Variants in SOX5 observed in about 807,000 individuals in gnomAD.
The protein encoded by SOX5 is transcription factor SOX-5.
Under a neutral mutation model 92.0 loss-of-function variants are expected in SOX5, and 9 were observed. The ratio of observed to expected loss-of-function variants is 0.10; its 90% confidence interval spans 0.06 to 0.17. SOX5 has a LOEUF of 0.17. SOX5 is among the 10% of genes least tolerant of loss of function. The probability of loss-of-function intolerance (pLI) is 1.00; values close to 1 mark genes in which losing one functional copy is unlikely to be tolerated. For missense variants in SOX5, 642 were observed against 944.5 expected (o/e 0.68, Z 4.20); for synonymous variants, 344 against 336.3 (o/e 1.02, Z -0.25).
intron 2 of SOX5, among the ~76,000 whole-genome samples, chr12:24,345,006 C>T (rs1023545719): frequency 2.6e-5 from 4 of 152,146 alleles, no homozygotes; most frequent in African/African-American, 4.8e-5. Context: ...AGGTCAATTA[C>T]ATGCTAATAG....
At chr12:23,885,301 A>G (rs2097051660) in intron 2 of SOX5, among the ~76,000 whole-genome samples, 1 of 152,128 alleles carries the variant, frequency 6.6e-6, no homozygotes, top group East Asian at 1.9e-4. Context: ...CCTAGTTTCT[A>G]TTTTTTACAT....
At chr12:24,235,123 C>T (rs567067586) in intron 3 of SOX5, among the ~76,000 whole-genome samples, 26 of 152,284 alleles carry the variant, frequency 1.7e-4, no homozygotes, top group Admixed American at 5.9e-4. Context: ...AAAAAGACTT[C>T]GGGATGGCCC....
intron 6 of SOX5, among the ~76,000 whole-genome samples, chr12:23,719,788 C>CAAAAA (rs33914230): frequency 0.016 from 1,053 of 64,082 alleles, 43 homozygotes; most frequent in African/African-American, 0.056. Flanking sequence ...AGCTATTTAC[C>CAAAAA]AAAAAAAAAA....
At chr12:23,616,307 G>A (rs1027788841) in intron 8 of SOX5, among the ~76,000 whole-genome samples, 2 of 152,222 alleles carry the variant, frequency 1.3e-5, no homozygotes, top group African/African-American at 4.8e-5. Flanking sequence ...AACCTCCTAA[G>A]TGGTTAATCC....
Position 23,689,701 on chromosome 12 carries a change from G to A in SOX5, c.811-24137C>T, listed in dbSNP as rs200378776. ...TGCTGTTTGAGCTTTGTCATGATAC[G>A]AAGATGAGGAAAATGTAGAAAAATA... is the stretch of plus-strand genomic sequence containing the variant. On this transcript the variant is annotated intron_variant, in intron 6 of 14. Coordinates refer to ENST00000451604, the MANE Select transcript of SOX5 (RefSeq NM_006940.6). Among the ~76,000 whole-genome samples, 30 of 152,066 alleles carry A rather than the reference G, an allele frequency of 2.0e-4. No individual in the cohort carries two copies. In the East Asian group the frequency reaches 2.9e-3, roughly 15 times the overall value.
intron 1 of SOX5, among the ~76,000 whole-genome samples, chr12:24,386,269 T>C (rs1272935729): frequency 6.6e-6 from 1 of 152,170 alleles, no homozygotes; most frequent in African/African-American, 2.4e-5. Context: ...ACTTTGATAA[T>C]TGCCTGCTAC....
At chr12:24,039,608 G>A (rs1417988147) in intron 4 of SOX5, among the ~76,000 whole-genome samples, 2 of 152,082 alleles carry the variant, frequency 1.3e-5, no homozygotes, top group Non-Finnish European at 2.9e-5. Context: ...AAGTTCAAAT[G>A]GTTGCAAAAT....
At chr12:23,718,067 CATG>C (rs1336311269) in intron 6 of SOX5, among the ~76,000 whole-genome samples, 2 of 140,538 alleles carry the variant, frequency 1.4e-5, no homozygotes, top group Admixed American at 7.2e-5. Flanking sequence ...ACTCCAAGTT[CATG>C]ATAATTTTTA....
intron 1 of SOX5, among the ~76,000 whole-genome samples, chr12:24,520,210 T>C (rs144607568): frequency 6.6e-6 from 1 of 152,236 alleles, no homozygotes; most frequent in Non-Finnish European, 1.5e-5. Context: ...AATGAAGACA[T>C]ACTTAACAGT....
chr12:24,093,918 G>C (rs1944990496), intron 4 of SOX5, among the ~76,000 whole-genome samples: 1 of 151,990 alleles, frequency 6.6e-6, no homozygotes, highest in Non-Finnish European at 1.5e-5. Flanking sequence ...TAGGCAATCT[G>C]ATGAGTTTGA....
At chr12:24,167,329 T>G (rs1953531316) in intron 4 of SOX5, among the ~76,000 whole-genome samples, 1 of 152,234 alleles carries the variant, frequency 6.6e-6, no homozygotes, top group Non-Finnish European at 1.5e-5. Flanking sequence ...TATTTAAGTT[T>G]GTTTAACTCA....
At chr12:23,703,645 G>A (rs1190871354) in intron 6 of SOX5, among the ~76,000 whole-genome samples, 1 of 151,692 alleles carries the variant, frequency 6.6e-6, no homozygotes, top group Admixed American at 6.6e-5. Flanking sequence ...TATTTGGACA[G>A]AATAAATTAG....
In SOX5 at chr12:24,393,660, G is replaced by A. The variant is rs1300610611; in HGVS notation, c.-250-25021C>T. Among the ~76,000 whole-genome samples, 1 of 152,180 alleles carries A rather than the reference G, an allele frequency of 6.6e-6. No individual in the cohort carries two copies. The highest frequency in any genetic ancestry group is 1.5e-5 in the Non-Finnish European group (1 of 68,022). On this transcript the variant is annotated intron_variant, in intron 1 of 4. Coordinates refer to the SOX5 transcript ENST00000446891. This position sits in a 1 kb window ranked among gnomAD's most constrained non-coding sequence, Gnocchi z 5.0. The stretch of plus-strand genomic sequence containing the variant: ...GCTTTAAGACATGGCCCTTGTCATG[G>A]AAACTAGTGCTTAATGTAGAAATTA...
chr12:24,246,755 G>A (rs1330632330), intron 3 of SOX5, among the ~76,000 whole-genome samples: 3 of 152,138 alleles, frequency 2.0e-5, no homozygotes, highest in Non-Finnish European at 2.9e-5. Context: ...CATTATAATT[G>A]TAGGGAAATG....
At chr12:24,395,446 C>A (rs1173299561) in intron 1 of SOX5, among the ~76,000 whole-genome samples, 1 of 152,148 alleles carries the variant, frequency 6.6e-6, no homozygotes, top group Non-Finnish European at 1.5e-5. Flanking sequence ...GCTCTCTAAT[C>A]TGTTGTGTGG....
At chr12:23,655,586 G>T (rs1010403255) in intron 7 of SOX5, among the ~76,000 whole-genome samples, 1 of 152,074 alleles carries the variant, frequency 6.6e-6, no homozygotes, top group Non-Finnish European at 1.5e-5. Context: ...TTAATTTGCT[G>T]ACTCCCTTTC....
chr12:24,308,824 T>C (rs1234770029), intron 2 of SOX5, among the ~76,000 whole-genome samples: 1 of 152,114 alleles, frequency 6.6e-6, no homozygotes, highest in Non-Finnish European at 1.5e-5. Flanking sequence ...CTATGGAAAA[T>C]TGAGCATTGA....
intron 2 of SOX5, among the ~76,000 whole-genome samples, chr12:24,341,188 C>G (rs923371645): frequency 6.6e-6 from 1 of 152,126 alleles, no homozygotes; most frequent in Non-Finnish European, 1.5e-5. Flanking sequence ...TTAATAGTAA[C>G]AATTCAGGCC....
At position 23,532,112 on chromosome 12, in the gene SOX5, T is replaced by TATTA. The variant is rs905624198; in HGVS notation, c.*2103_*2106dup. The TATTA allele has an allele frequency of 6.0e-5, 9 of 150,908 alleles. No individual in the cohort carries two copies. The highest frequency in any genetic ancestry group is 1.2e-4 in the Non-Finnish European group (8 of 67,760). 9.3% of individuals were successfully genotyped at this position (150,908 alleles called of 1,614,324 possible). ...AGCTGACCATTATTATTATTATTACTATTATTATTATTATTTTATCATCAT... is the reference window on the plus strand; with the variant it reads ...AGCTGACCATTATTATTATTATTACTATTAATTATTATTATTATTTTATCATCAT... On this transcript the variant is annotated 3_prime_UTR_variant, in exon 15 of 15. Coordinates refer to ENST00000451604, the MANE Select transcript of SOX5 (RefSeq NM_006940.6).
Sources: allele counts gnomAD v4.1 joint callset (sites outside exome capture counted in the v4.1 genomes callset), GRCh38; gene constraint gnomAD v4.1.1; non-coding constraint Gnocchi (gnomAD v3.1); transcripts MANE v1.5; gene names NCBI Gene and HGNC (gene_info 2026-07-23, HGNC 2026-07-21).